The following EMG1 variants were observed in gnomAD, a reference collection of about 807,000 sequenced individuals.
EMG1 encodes ribosomal RNA small subunit methyltransferase NEP1.
EMG1 carries 24 observed loss-of-function variants against 26.9 expected under a neutral mutation model. The ratio of observed to expected loss-of-function variants is 0.89; its 90% CI spans 0.65 to 1.26. EMG1 has a LOEUF of 1.26. EMG1 is among the 50% of genes most tolerant of loss of function. The pLI, the probability that EMG1 is intolerant of heterozygous loss-of-function variation, is 0.00. For missense variants in EMG1, 299 were observed against 307.6 expected (o/e 0.97, Z 0.21); for synonymous variants, 140 against 112.6 (o/e 1.24, Z -1.54).
chr12:6,971,176 A>C, intron 1 of EMG1, 85 bp downstream of exon 1: 1 of 1,153,246 alleles, frequency 8.7e-7, no homozygotes, highest in Non-Finnish European at 1.3e-6. Flanking sequence ...GAGTGGATGT[A>C]GAAAGCAGAG....
At chr12:6,975,197 T>C (rs1591708520) in intron 4 of EMG1, 32 bp from the exon 5 acceptor site, 1 of 1,614,000 alleles carries the variant, frequency 6.2e-7, no homozygotes, top group Non-Finnish European at 8.5e-7. Flanking sequence ...GGAATGTTTC[T>C]GGGGCTGACT....
chr12:6,980,828 G>A (rs114876293), downstream of EMG1: 1,824 of 492,132 alleles, frequency 3.7e-3, 19 homozygotes, highest in African/African-American at 0.033. Flanking sequence ...ATAACTGGAA[G>A]AACCCTAAAC....
At chr12:6,974,877 A>G (rs1469502897) in intron 3 of EMG1, 184 bp downstream of exon 3, 2 of 813,362 alleles carry the variant, frequency 2.5e-6, no homozygotes, top group Non-Finnish European at 4.0e-6. Flanking sequence ...TTCTTGCAGT[A>G]GCTTCCTGGC....
chr12:6,983,905 G>A (rs1946497244), downstream of EMG1, among the ~76,000 whole-genome samples: 1 of 152,240 alleles, frequency 6.6e-6, no homozygotes, highest in Middle Eastern at 3.4e-3. Flanking sequence ...CACTCTGGGA[G>A]GCTGAGGCAA....
At chr12:6,972,155 C>G (rs1476355157) in intron 1 of EMG1, among the ~76,000 whole-genome samples, 3 of 151,602 alleles carry the variant, frequency 2.0e-5, no homozygotes, top group Non-Finnish European at 4.4e-5. Context: ...CAGCCTCCGC[C>G]TCCCGGGTTC....
At chr12:6,974,966 G>A (rs917281145) in intron 3 of EMG1, 124 bp from the exon 4 acceptor site, 1 of 1,008,126 alleles carries the variant, frequency 9.9e-7, no homozygotes, top group East Asian at 2.5e-5. Flanking sequence ...AACATTTCAG[G>A]AGTCCAGTCT....
chr12:6,985,133 T>G (rs1184801841), intron 6 of EMG1, among the ~76,000 whole-genome samples: 1 of 146,260 alleles, frequency 6.8e-6, no homozygotes, highest in Non-Finnish European at 1.5e-5. Flanking sequence ...GGCTCATGCC[T>G]GTAATCCCAG....
downstream of EMG1, chr12:6,981,530 G>C (rs910611977): frequency 7.8e-6 from 12 of 1,544,238 alleles, no homozygotes; most frequent in African/African-American, 1.6e-4. Flanking sequence ...TCAGTCTTTT[G>C]TTAACAACTT....
Position 6,979,688 on chromosome 12 carries a change from G to A in EMG1, c.*3879G>A, listed in dbSNP as rs111693766. 2.2e-5 allele frequency: 16 copies of A among 730,280 alleles called. No homozygotes were observed. The highest frequency in any genetic ancestry group is 2.1e-4 in the African/African-American group (12 of 57,172). The allele number at this position is 730,280 out of a possible 1,614,324, so 45.2% of individuals were successfully genotyped here. A position where few individuals can be genotyped will look rare whatever the true frequency, so the allele number is the denominator to read the frequency against. ...TGTTTAGGGGTGTGGTTGTCTACCT[G>A]GAATGGGATGAGAAGCTCTGCTGCC... On this transcript the variant is annotated 3_prime_UTR_variant, in exon 6 of 6. Coordinates refer to ENST00000599672, the MANE Select transcript of EMG1 (RefSeq NM_006331.8).
downstream of EMG1, chr12:6,983,443 T>G (rs1946490588): frequency 6.2e-7 from 1 of 1,602,394 alleles, no homozygotes; most frequent in African/African-American, 1.3e-5. Flanking sequence ...AAAGTTAAAA[T>G]AAGCAATTGA....
At chr12:6,993,937 A>G (rs1477854000) in intron 7 of EMG1, among the ~76,000 whole-genome samples, 1 of 152,096 alleles carries the variant, frequency 6.6e-6, no homozygotes, top group Non-Finnish European at 1.5e-5. Context: ...TAATCTACCC[A>G]TTCATCAGCT....
At position 6,978,701 on chromosome 12, in the gene EMG1, A is replaced by C. The variant is rs782523150; in HGVS notation, c.*2892A>C. On this transcript the variant is annotated 3_prime_UTR_variant, in exon 6 of 6. Transcript: ENST00000599672. Reference sequence around the variant, plus strand: ...CAGAAGGGGTGGTTCTTGAGGGAAGAAAGCACAGTGCATTAGGGATATCAC... The same window carrying C: ...CAGAAGGGGTGGTTCTTGAGGGAAGCAAGCACAGTGCATTAGGGATATCAC... 38 of 1,613,944 alleles carry C rather than the reference A, an allele frequency of 2.4e-5. No individual in the cohort carries two copies. In the South Asian group the frequency reaches 3.8e-4, roughly 16 times the overall value.
At position 6,979,105 on chromosome 12, in the gene EMG1, G is replaced by C. The variant is rs76427977; in HGVS notation, c.*3296G>C. The stretch of plus-strand genomic sequence containing the variant: ...AAGCCAGCACTTCCCCCCTTCCCTT[G>C]GTTTCTGAATTCCCTAGAAGTGCCC... On this transcript the variant is annotated 3_prime_UTR_variant, in exon 6 of 6. Transcript: ENST00000599672. 1 of 301,314 alleles carries C rather than the reference G, an allele frequency of 3.3e-6. No individual in the cohort carries two copies. Among genetic ancestry groups the C allele is most frequent in the Non-Finnish European group, 6.2e-6 (1 of 161,558 alleles). The allele number at this position is 301,314 out of a possible 1,614,324, so 18.7% of individuals were successfully genotyped here. A position where few individuals can be genotyped will look rare whatever the true frequency, so the allele number is the denominator to read the frequency against.
intron 6 of EMG1, among the ~76,000 whole-genome samples, chr12:6,986,943 A>G (rs200701747): frequency 3.9e-5 from 6 of 151,932 alleles, no homozygotes; most frequent in Admixed American, 6.6e-5. Context: ...GTGAAACCCC[A>G]TCTCTACTAA....
At chr12:6,983,114 T>G, downstream of EMG1, 1 of 500,518 alleles carries the variant, frequency 2.0e-6, no homozygotes, top group Non-Finnish European at 3.7e-6. Flanking sequence ...TTTGAATGTC[T>G]GAAGTGAAGA....
At chr12:6,980,983 T>G, downstream of EMG1, 3 of 1,561,180 alleles carry the variant, frequency 1.9e-6, no homozygotes, top group Non-Finnish European at 2.6e-6. Flanking sequence ...CACAAACATC[T>G]GGACCAAGAG....
chr12:6,977,016 T>C lies in EMG1; in HGVS notation c.*1207T>C. 1 of 708,606 alleles carries C rather than the reference T, an allele frequency of 1.4e-6. No homozygotes were observed. 43.9% of individuals were successfully genotyped at this position (708,606 alleles called of 1,614,324 possible). ...GTAGTCATTGCCCATACTGTGTTCC[T>C]TAGTAGCCAGGCTAATCCTTGGAAT... On this transcript the variant is annotated 3_prime_UTR_variant, in exon 6 of 6. Coordinates refer to ENST00000599672, the MANE Select transcript of EMG1 (RefSeq NM_006331.8). The surrounding 1 kb of genome is among the most constrained non-coding windows in gnomAD (Gnocchi z 4.5).
chr12:6,993,909 G>A (rs1012383636), intron 7 of EMG1, among the ~76,000 whole-genome samples: 2 of 152,152 alleles, frequency 1.3e-5, no homozygotes, highest in African/African-American at 4.8e-5. Flanking sequence ...ACTACGCCCA[G>A]CCTGGATACT....
At position 6,987,067 on chromosome 12, in the gene EMG1, C is replaced by T. The variant is rs1367527890; in HGVS notation, c.*155-715C>T. On this transcript the variant is annotated intron_variant and NMD_transcript_variant, in intron 6 of 7. Transcript: ENST00000261406. The surrounding 1 kb of genome is among the most constrained non-coding windows in gnomAD (Gnocchi z 4.1). ...GGCGGAGGTGGCAGTGAGCTGAGAT[C>T]ACGCCATTGCACTCCAGCTTGGGCA... is the stretch of plus-strand genomic sequence containing the variant. Among the ~76,000 whole-genome samples, 1 of 151,536 alleles carries T rather than the reference C, an allele frequency of 6.6e-6. No homozygotes were observed. The highest frequency in any genetic ancestry group is 1.5e-5 in the Non-Finnish European group (1 of 67,956).
Sources: gnomAD v4.1 joint callset for allele counts (sites outside exome capture counted in the v4.1 genomes callset) on GRCh38, gnomAD v4.1.1 for gene constraint, Gnocchi (gnomAD v3.1) non-coding constraint, MANE v1.5 for transcripts, NCBI Gene and HGNC (gene_info 2026-07-23, HGNC 2026-07-21) for gene names.